The following TTC34 variants were observed in gnomAD, a reference collection of about 807,000 sequenced individuals.
TTC34 encodes the protein tetratricopeptide repeat protein 34.
Under a neutral mutation model 40.7 loss-of-function variants are expected in TTC34, and 44 were observed. The observed-to-expected ratio is 1.08, with a 90% CI of 0.85 to 1.39. The LOEUF is 1.39. Among genes scored for constraint, TTC34 ranks in the 40% most tolerant of loss-of-function variants. The pLI is 0.00. For missense variants in TTC34, 884 were observed against 838.0 expected (o/e 1.05, Z -0.68); for synonymous variants, 422 against 398.6 (o/e 1.06, Z -0.70).
chr1:2,677,651 C>G (rs907674025), intron 6 of TTC34, among the ~76,000 whole-genome samples: 8 of 20,224 alleles, frequency 4.0e-4, no homozygotes, highest in Admixed American at 1.6e-3. Flanking sequence ...GCACACACAC[C>G]CCCAGGCGAG....
chr1:2,641,544 C>A lies in TTC34; in HGVS notation c.3064G>T (p.Ala1022Ser). 3.3e-6 allele frequency: 5 copies of A among 1,533,900 alleles called. No individual in the cohort carries two copies. In the South Asian group the frequency reaches 4.8e-5, roughly 15 times the overall value. ...AGAAGGAACATGCGTGCAGTGGGGG[C>A]CCGGCCTGGCTGCCTGCACAGGCTG... Residue 1022 changes from alanine to serine, a missense_variant, in exon 9 of 9, where the codon GCC (alanine) becomes TCC (serine). Transcript: ENST00000401095.
chr1:2,751,650 C>CGAGGCGAGCATCGGA (rs1641324258), intron 6 of TTC34, among the ~76,000 whole-genome samples: 1 of 143,878 alleles, frequency 7.0e-6, no homozygotes, highest in Non-Finnish European at 1.5e-5. Flanking sequence ...ACCCACACCC[C>CGAGGCGAGCATCGGA]CAGTTGAGCA....
intron 6 of TTC34, among the ~76,000 whole-genome samples, chr1:2,677,525 CACACA>C (rs1345991273): frequency 1.9e-5 from 2 of 107,690 alleles, no homozygotes; most frequent in African/African-American, 3.3e-5. Flanking sequence ...GAGCAGCACC[CACACA>C]CCCAGGTGAG....
intron 6 of TTC34, among the ~76,000 whole-genome samples, chr1:2,681,885 G>T (rs1287923010): frequency 6.0e-5 from 7 of 116,742 alleles, no homozygotes; most frequent in African/African-American, 2.2e-4. Flanking sequence ...GCATCTGACA[G>T]CCTGGAACAA....
chr1:2,686,375 GTGATGGTCTGGAGCAGCA>G (rs1640347366), intron 6 of TTC34, among the ~76,000 whole-genome samples: 18 of 115,912 alleles, frequency 1.6e-4, no homozygotes, highest in African/African-American at 3.0e-4. Flanking sequence ...AGGTGCGCAT[GTGATGGTCTGGAGCAGCA>G]CCCACACCCA....
intron 8 of TTC34, among the ~76,000 whole-genome samples, chr1:2,642,636 G>A (rs1348030126): frequency 6.6e-6 from 1 of 152,212 alleles, no homozygotes; most frequent in East Asian, 1.9e-4. Context: ...CTCCGCTCAA[G>A]AATCTGCAGG....
At chr1:2,641,790 G>A in exon 9 of TTC34, 1 of 1,535,184 alleles carries the variant, frequency 6.5e-7, no homozygotes, top group Non-Finnish European at 8.7e-7. Context: ...CGCAGACGCA[G>A]GTGACAGGCA....
At position 2,676,799 on chromosome 1, in the gene TTC34, A is replaced by AC. The variant is rs1185965647; in HGVS notation, c.2227-31237dup. Among the ~76,000 whole-genome samples, 11 of 10,570 alleles carry AC rather than the reference A, an allele frequency of 1.0e-3. 1 individual carries two copies. The highest frequency in any genetic ancestry group is 5.0e-3 in the South Asian group (1 of 200). The allele number at this position is 10,570 out of a possible 152,430, so 6.9% of individuals were successfully genotyped here. A position where few individuals can be genotyped will look rare whatever the true frequency, so the allele number is the denominator to read the frequency against. ...CGAGCATCTGACAGCCTGGGTCGGC[A>AC]CCCACACCACCAGGTGAGCATCTGA... On this transcript the variant is annotated intron_variant, in intron 6 of 8. Transcript: ENST00000401095.
chr1:2,783,581 C>T, intron 6 of TTC34, 28 bp downstream of exon 6: 1 of 1,352,762 alleles, frequency 7.4e-7, no homozygotes. Flanking sequence ...CGTGCTTGCC[C>T]AGGCCCAGGT....
At chr1:2,749,037 C>CT (rs1641233902) in intron 6 of TTC34, among the ~76,000 whole-genome samples, 7 of 41,476 alleles carry the variant, frequency 1.7e-4, no homozygotes, top group Admixed American at 4.7e-4. Context: ...GAACAGCACC[C>CT]ACACCCCCAG....
intron 2 of TTC34, among the ~76,000 whole-genome samples, chr1:2,797,411 C>G (rs1450602290): frequency 2.0e-5 from 3 of 152,158 alleles, no homozygotes; most frequent in African/African-American, 7.2e-5. Flanking sequence ...CCACTTCCTG[C>G]CTCTGTCGGG....
rs750758720 is a variant in TTC34 at position 2,783,682 on chromosome 1, A to G, written c.2153T>C (p.Leu718Pro). 5.7e-5 allele frequency: 88 copies of G among 1,543,554 alleles called. No homozygotes were observed. Among genetic ancestry groups the G allele is most frequent in the Non-Finnish European group, 7.3e-5 (83 of 1,142,724 alleles). ...CTGCACGTTCCCCGGCTCAGCCCGCAGCACTGTGTTGAAGTCGAACATGGC... is the reference window on the plus strand; with the variant it reads ...CTGCACGTTCCCCGGCTCAGCCCGCGGCACTGTGTTGAAGTCGAACATGGC... Residue 718 changes from leucine to proline, a missense_variant, in exon 6 of 9, where the codon CTG (leucine) becomes CCG (proline). Physicochemically the swap from Leu to Pro is moderately conservative, Grantham distance 98. Transcript: ENST00000401095.
At position 2,792,017 on chromosome 1, in the gene TTC34, T is replaced by TTTTTTTTTTC. The variant is rs1424750959; in HGVS notation, c.785-1672_785-1671insGAAAAAAAAA. 2.7e-5 allele frequency among the ~76,000 whole-genome samples: 3 copies of TTTTTTTTTTC among 111,230 alleles called. 1 individual carries two copies. The highest frequency in any genetic ancestry group is 1.1e-4 in the African/African-American group (3 of 28,084). 73.0% of individuals were successfully genotyped at this position (111,230 alleles called of 152,430 possible). On this transcript the variant is annotated intron_variant, in intron 2 of 8. Transcript: ENST00000401095. Reference sequence around the variant, plus strand: ...AGACTTGCCATATGCTTTTTTTTTTTTTTTTTTTTTTTTTTTAAAGACAGG... The same window carrying TTTTTTTTTTC: ...AGACTTGCCATATGCTTTTTTTTTTTTTTTTTTTTCTTTTTTTTTTTTTTTTAAAGACAGG...
intron 6 of TTC34, among the ~76,000 whole-genome samples, chr1:2,756,617 G>T (rs1641514014): frequency 6.6e-6 from 1 of 152,188 alleles, no homozygotes; most frequent in African/African-American, 2.4e-5. Flanking sequence ...GCCTGGAACA[G>T]CACCCACACC....
intron 6 of TTC34, among the ~76,000 whole-genome samples, chr1:2,657,464 C>G (rs1195407846): frequency 1.1e-5 from 1 of 91,404 alleles, no homozygotes; most frequent in Non-Finnish European, 2.8e-5. Flanking sequence ...CCCACGCCCC[C>G]AGGCGAGCAT....
At chr1:2,756,060 C>G (rs1324798040) in intron 6 of TTC34, among the ~76,000 whole-genome samples, 30 of 84,584 alleles carry the variant, frequency 3.5e-4, no homozygotes, top group Middle Eastern at 9.0e-3. Flanking sequence ...GAACAGCACC[C>G]ATACGCCAAG....
chr1:2,691,616 C>A (rs867502477), intron 6 of TTC34, among the ~76,000 whole-genome samples: 17 of 119,008 alleles, frequency 1.4e-4, no homozygotes, highest in African/African-American at 3.5e-4. Context: ...TGGAACAGCA[C>A]CCTGCACCCC....
intron 6 of TTC34, among the ~76,000 whole-genome samples, chr1:2,755,835 C>T (rs1170913202): frequency 1.1e-5 from 1 of 94,094 alleles, no homozygotes; most frequent in African/African-American, 6.4e-5. Flanking sequence ...CACAGGTGAG[C>T]ATCCGACAGC....
At chr1:2,640,144 GA>G (rs1339772250) in exon 9 of TTC34, 1 of 152,496 alleles carries the variant, frequency 6.6e-6, no homozygotes, top group African/African-American at 2.4e-5. Flanking sequence ...GAGAAGCCAG[GA>G]GGGGGGGTCG....
Sources: gnomAD v4.1 joint callset for allele counts (sites outside exome capture counted in the v4.1 genomes callset) on GRCh38, gnomAD v4.1.1 for gene constraint, MANE v1.5 for transcripts, NCBI Gene and HGNC (gene_info 2026-07-23, HGNC 2026-07-21) for gene names.